Variants in RFX2 observed in about 807,000 individuals in gnomAD.
The protein encoded by RFX2 is DNA-binding protein RFX2.
In RFX2, 20 loss-of-function variants were observed where a neutral mutation model predicts 87.8. The observed-to-expected ratio is 0.23, with a 90% confidence interval of 0.16 to 0.33. The LOEUF (loss-of-function observed/expected upper bound fraction) is 0.33. RFX2 is among the 10% of genes least tolerant of loss of function. The pLI is 1.00. For synonymous variants in RFX2, 397 were observed against 431.3 expected (o/e 0.92, Z 0.98); for missense variants, 767 against 1,012.3 (o/e 0.76, Z 3.29).
rs74518892 is a variant in RFX2, at chr19:6,100,416, G to A, written c.-9+9977C>T. On this transcript the variant is annotated intron_variant, in intron 1 of 17. Transcript: ENST00000303657. ...AGGAAGAGATCAGTAAGAATCCAGAGACGACAGAGCCCAAGGTCTGTGCAA... is the reference window on the plus strand; with the variant it reads ...AGGAAGAGATCAGTAAGAATCCAGAAACGACAGAGCCCAAGGTCTGTGCAA... Among the ~76,000 whole-genome samples, 348 of 152,310 alleles carry A rather than the reference G, an allele frequency of 2.3e-3. 1 individual carries two copies. Among genetic ancestry groups the A allele is most frequent in the Admixed American group, 7.9e-3 (121 of 15,302 alleles).
At position 6,017,223 on chromosome 19, in the gene RFX2, T is replaced by C. The variant is rs533848082; in HGVS notation, c.598-952A>G. Among the ~76,000 whole-genome samples, 1 of 152,320 alleles carries C rather than the reference T, an allele frequency of 6.6e-6. No individual in the cohort carries two copies. Among genetic ancestry groups the C allele is most frequent in the Non-Finnish European group, 1.5e-5 (1 of 68,022 alleles). On this transcript the variant is annotated intron_variant, in intron 6 of 17. Coordinates refer to ENST00000303657, the MANE Select transcript of RFX2 (RefSeq NM_000635.4). The surrounding 1 kb of genome is among the most constrained non-coding windows in gnomAD (Gnocchi z 4.1). ...TCCAGCCTGGGCGACAGGGCAAGAC[T>C]TCGTCTCTTTCAAAAAACGAAACAA...
At chr19:6,065,340 T>A (rs1424450491) in intron 1 of RFX2, among the ~76,000 whole-genome samples, 1 of 152,172 alleles carries the variant, frequency 6.6e-6, no homozygotes, top group Non-Finnish European at 1.5e-5. Flanking sequence ...TGATGGCTAA[T>A]CAGCTTGCCT....
At chr19:6,073,195 G>C in intron 1 of RFX2, 1 of 501,180 alleles carries the variant, frequency 2.0e-6, no homozygotes, top group Non-Finnish European at 3.7e-6. Context: ...GGCCAGGCTG[G>C]TCTCAAACTC....
chr19:6,104,413 CAA>C (rs1424217064), intron 1 of RFX2, among the ~76,000 whole-genome samples: 1 of 144,654 alleles, frequency 6.9e-6, no homozygotes, highest in Non-Finnish European at 1.5e-5. Context: ...ACTAAAAATA[CAA>C]AAAATTAGCC....
At chr19:6,018,805 C>T (rs1442865584) in intron 6 of RFX2, among the ~76,000 whole-genome samples, 1 of 152,168 alleles carries the variant, frequency 6.6e-6, no homozygotes, top group African/African-American at 2.4e-5. Flanking sequence ...GGCTTCAGAC[C>T]TCCTGACCAC....
rs2086802862 is a variant in RFX2, at chr19:6,020,935, T to G, written c.598-4664A>C. Among the ~76,000 whole-genome samples, 1 of 151,940 alleles carries G rather than the reference T, an allele frequency of 6.6e-6. No homozygotes were observed. The highest frequency in any genetic ancestry group is 2.4e-5 in the African/African-American group (1 of 41,346). The stretch of plus-strand genomic sequence containing the variant: ...AATCATTCCTTTTAAGGAAAAAAAA[T>G]CCCGAAATGCCAGCGCCTCCCTCTC... On this transcript the variant is annotated intron_variant, in intron 6 of 17. Coordinates refer to ENST00000303657, the MANE Select transcript of RFX2 (RefSeq NM_000635.4). This position sits in a 1 kb window ranked among gnomAD's most constrained non-coding sequence, Gnocchi z 5.3.
At chr19:6,082,156 C>G (rs148125491) in intron 1 of RFX2, among the ~76,000 whole-genome samples, 2,155 of 151,702 alleles carry the variant, frequency 0.014, 53 homozygotes, top group African/African-American at 0.049. Context: ...GTGGTGCACA[C>G]CTGTAATCCC....
At chr19:6,079,908 C>A in intron 1 of RFX2, among the ~76,000 whole-genome samples, 1 of 143,992 alleles carries the variant, frequency 6.9e-6, no homozygotes, top group African/African-American at 2.6e-5. Flanking sequence ...AAAAAGTATG[C>A]AAGTGTGAAA....
rs1248648322 is a variant in RFX2, at chr19:6,074,697, C to A, written c.-8-27193G>T. ...TACACTCAAATGCACAAGTGGAGTG[C>A]GGCATGGGCCAGGGGCAACAAGGTG... On this transcript the variant is annotated intron_variant, in intron 1 of 17. Coordinates refer to ENST00000303657, the MANE Select transcript of RFX2 (RefSeq NM_000635.4). The surrounding 1 kb of genome is among the most constrained non-coding windows in gnomAD (Gnocchi z 5.2). 6.6e-6 allele frequency among the ~76,000 whole-genome samples: 1 copy of A among 152,052 alleles called. No homozygotes were observed. Among genetic ancestry groups the A allele is most frequent in the Non-Finnish European group, 1.5e-5 (1 of 68,022 alleles).
intron 17 of RFX2, 88 bp from the exon 18 acceptor site, chr19:5,995,038 C>T: frequency 1.9e-6 from 2 of 1,043,746 alleles, no homozygotes; most frequent in Non-Finnish European, 2.9e-6. Context: ...ACTGCTCCGG[C>T]ACGCCAGGCA....
Position 5,994,776 on chromosome 19 carries a change from G to T in RFX2, c.*59C>A. On this transcript the variant is annotated 3_prime_UTR_variant, in exon 18 of 18. Coordinates refer to ENST00000303657, the MANE Select transcript of RFX2 (RefSeq NM_000635.4). ...ATTTGGTGGAGCCGGTGAAATCCAG[G>T]TTCCCAGAGTGACCAGGCGGCATCT... 8.8e-7 allele frequency: 1 copy of T among 1,142,114 alleles called. No individual in the cohort carries two copies. Among genetic ancestry groups the T allele is most frequent in the Non-Finnish European group, 1.3e-6 (1 of 775,084 alleles). 70.7% of individuals were successfully genotyped at this position (1,142,114 alleles called of 1,614,324 possible).
At position 6,058,733 on chromosome 19, in the gene RFX2, T is replaced by C. The variant is rs79171016; in HGVS notation, c.-8-11229A>G. On this transcript the variant is annotated intron_variant, in intron 1 of 17. Transcript: ENST00000303657. ...AAGAATTGGGCTTCTGTTCCTGTTT[T>C]CTTCTCAGGAGCCAAACTTTCCCTC... Among the ~76,000 whole-genome samples, 951 of 152,280 alleles carry C rather than the reference T, an allele frequency of 6.2e-3. 7 individuals are homozygous for C. Among genetic ancestry groups the C allele is most frequent in the Non-Finnish European group, 8.3e-3 (563 of 68,010 alleles).
At chr19:6,075,325 C>T (rs1453286762) in intron 1 of RFX2, among the ~76,000 whole-genome samples, 1 of 151,930 alleles carries the variant, frequency 6.6e-6, no homozygotes, top group East Asian at 1.9e-4. Context: ...ACAAGGAGGC[C>T]ACAGTGGAGT....
chr19:6,092,070 A>G (rs1045666851), intron 1 of RFX2, among the ~76,000 whole-genome samples: 2 of 152,264 alleles, frequency 1.3e-5, no homozygotes, highest in Non-Finnish European at 2.9e-5. Flanking sequence ...AAAGGATGTT[A>G]AAAAAGAAAA....
Position 6,016,224 on chromosome 19 carries a change from G to A in RFX2, c.645C>T (p.Leu215=), listed in dbSNP as rs2086724367. 6.2e-7 allele frequency: 1 copy of A among 1,613,674 alleles called. No homozygotes were observed. The part of the protein sequence containing the change: ...DNYETAEGVS[L]PRSSLYNHYL... ...AGTGGTTGTAAAGAGAACTTCTGGGGAGACTCACACCTTCCGCTGTTTCAT... is the reference window on the plus strand; with the variant it reads ...AGTGGTTGTAAAGAGAACTTCTGGGAAGACTCACACCTTCCGCTGTTTCAT... Residue 215 remains leucine, a synonymous_variant, in exon 7 of 18, where the codon CTC becomes CTT. Coordinates refer to ENST00000303657, the MANE Select transcript of RFX2 (RefSeq NM_000635.4). This position sits in a 1 kb window ranked among gnomAD's most constrained non-coding sequence, Gnocchi z 5.4.
At chr19:6,059,732 T>A (rs1209495488) in intron 1 of RFX2, among the ~76,000 whole-genome samples, 1 of 151,450 alleles carries the variant, frequency 6.6e-6, no homozygotes, top group Non-Finnish European at 1.5e-5. Context: ...CATACACATA[T>A]ACACAAACAC....
At position 6,047,740 on chromosome 19, in the gene RFX2, C is replaced by A. The variant is rs974736749; in HGVS notation, c.-8-236G>T. Among the ~76,000 whole-genome samples the A allele has an allele frequency of 7.2e-5, 11 of 152,206 alleles. No individual in the cohort carries two copies. Among genetic ancestry groups the A allele is most frequent in the Non-Finnish European group, 1.3e-4 (9 of 68,036 alleles). ...TTCCAAATATAAAACCCAAAAAGGG[C>A]TCTGTCAGCGCACAATGGCAGGAAT... On this transcript the variant is annotated intron_variant, in intron 1 of 17. Transcript: ENST00000303657. This position sits in a 1 kb window ranked among gnomAD's most constrained non-coding sequence, Gnocchi z 4.2.
rs1318929749 is a variant in RFX2, at chr19:6,007,881, G to A, written c.1135-79C>T. The A allele has an allele frequency of 1.0e-5, 11 of 1,063,308 alleles. No individual in the cohort carries two copies. The highest frequency in any genetic ancestry group is 3.1e-5 in the African/African-American group (2 of 63,784). The allele number at this position is 1,063,308 out of a possible 1,614,324, so 65.9% of individuals were successfully genotyped here. A position where few individuals can be genotyped will look rare whatever the true frequency, so the allele number is the denominator to read the frequency against. The stretch of plus-strand genomic sequence containing the variant: ...CTCAGCACACGTCAAGTGAGCAGCC[G>A]TGATCCGGGCTACAGCGGGGTGCCC... On this transcript the variant is annotated intron_variant, in intron 10 of 17. Coordinates refer to ENST00000303657, the MANE Select transcript of RFX2 (RefSeq NM_000635.4). This position sits in a 1 kb window ranked among gnomAD's most constrained non-coding sequence, Gnocchi z 8.2.
At chr19:6,070,095 TGGATG>T (rs1312569843) in intron 1 of RFX2, among the ~76,000 whole-genome samples, 3 of 1,674 alleles carry the variant, frequency 1.8e-3, no homozygotes, top group Admixed American at 7.6e-3. Flanking sequence ...GGATGGGATG[TGGATG>T]GGATGGGATG....
Sources: gnomAD v4.1 joint callset for allele counts (sites outside exome capture counted in the v4.1 genomes callset) on GRCh38, gnomAD v4.1.1 for gene constraint, Gnocchi (gnomAD v3.1) non-coding constraint, MANE v1.5 for transcripts, NCBI Gene and HGNC (gene_info 2026-07-23, HGNC 2026-07-21) for gene names.